Variants in FAM81A observed in about 807,000 individuals in gnomAD.
FAM81A encodes protein FAM81A.
In FAM81A, 19 loss-of-function variants were observed where a neutral mutation model predicts 46.7. The ratio of observed to expected loss-of-function variants is 0.41; its 90% CI spans 0.28 to 0.60. The LOEUF (loss-of-function observed/expected upper bound fraction) is 0.60, where lower values mean the gene tolerates loss of function less well. Ranked by LOEUF, FAM81A falls within the 20% of genes least tolerant of loss-of-function variation. FAM81A has a pLI of 0.34. For missense variants in FAM81A, 377 were observed against 453.5 expected, an observed-to-expected ratio of 0.83 and a Z score of 1.53; for synonymous variants, 183 against 152.9, an observed-to-expected ratio of 1.20 and a Z score of -1.45.
At chr15:59,421,066 G>A (rs945993243) in intron 2 of FAM81A, among the ~76,000 whole-genome samples, 37 of 152,208 alleles carry the variant, frequency 2.4e-4, no homozygotes, top group African/African-American at 7.7e-4. Context: ...GTGGGGTCAC[G>A]TTCTCTAGGC....
chr15:59,509,571 A>G (rs2082183545), intron 6 of FAM81A, among the ~76,000 whole-genome samples: 1 of 152,198 alleles, frequency 6.6e-6, no homozygotes, highest in Non-Finnish European at 1.5e-5. Flanking sequence ...AGAGAAGGCC[A>G]TGTGACAATG....
chr15:59,520,649 C>T (rs890226416), intron 8 of FAM81A, among the ~76,000 whole-genome samples: 10 of 151,522 alleles, frequency 6.6e-5, no homozygotes, highest in South Asian at 4.2e-4. Flanking sequence ...CTGCAACGTC[C>T]GCTTCCTGGG....
At chr15:59,511,572 C>T (rs900696810) in intron 6 of FAM81A, among the ~76,000 whole-genome samples, 8 of 152,250 alleles carry the variant, frequency 5.3e-5, no homozygotes, top group Admixed American at 2.6e-4. Flanking sequence ...AAAAGTTGGA[C>T]GTGTTCAGAC....
intron 4 of FAM81A, among the ~76,000 whole-genome samples, chr15:59,494,822 GT>G (rs1187964943): frequency 6.6e-6 from 1 of 152,104 alleles, no homozygotes; most frequent in African/African-American, 2.4e-5. Flanking sequence ...TAATTTTATA[GT>G]TTTTATGTGT....
At chr15:59,441,964 C>G (rs2081302782) in intron 1 of FAM81A, among the ~76,000 whole-genome samples, 1 of 152,258 alleles carries the variant, frequency 6.6e-6, no homozygotes, top group Admixed American at 6.5e-5. Flanking sequence ...ACTACTTCCT[C>G]TAATCCTCAC....
chr15:59,512,355 C>T (rs2082220014), intron 6 of FAM81A, among the ~76,000 whole-genome samples: 1 of 151,192 alleles, frequency 6.6e-6, no homozygotes, highest in African/African-American at 2.4e-5. Flanking sequence ...GCCTGTAGTC[C>T]CAGCTATTCA....
chr15:59,470,894 C>T (rs1234040401), intron 3 of FAM81A, among the ~76,000 whole-genome samples: 2 of 152,118 alleles, frequency 1.3e-5, no homozygotes, highest in Non-Finnish European at 2.9e-5. Context: ...TCTATTACAG[C>T]TCACTGCAGC....
rs551391859 is a variant in FAM81A, at chr15:59,441,877, A to G, written c.-78+3595A>G. On this transcript the variant is annotated intron_variant, in intron 1 of 8. Transcript: ENST00000288228. ...CCTCCCTTCCCCCTGCCCCAGCCTC[A>G]CCTCTGAGCCCGCAGTAGTATTTAA... is the stretch of plus-strand genomic sequence containing the variant. 2.6e-5 allele frequency among the ~76,000 whole-genome samples: 4 copies of G among 151,700 alleles called. No individual in the cohort carries two copies. In the South Asian group the frequency reaches 8.3e-4, roughly 32 times the overall value.
At chr15:59,401,823 A>G (rs1200848857) in intron 1 of FAM81A, 2 of 581,712 alleles carry the variant, frequency 3.4e-6, no homozygotes, top group African/African-American at 2.4e-5. Flanking sequence ...AGTCTTTTTT[A>G]TTTGTATTTT....
intron 2 of FAM81A, among the ~76,000 whole-genome samples, chr15:59,404,407 G>C (rs1208275551): frequency 2.0e-5 from 3 of 152,096 alleles, no homozygotes; most frequent in Admixed American, 2.0e-4. Flanking sequence ...AGGTAGAAAG[G>C]CTGTTCACTT....
At chr15:59,482,067 C>T (rs1246554427) in intron 3 of FAM81A, among the ~76,000 whole-genome samples, 1 of 152,078 alleles carries the variant, frequency 6.6e-6, no homozygotes, top group Non-Finnish European at 1.5e-5. Flanking sequence ...ATCAACATCC[C>T]ACACCAGAGT....
rs576008808 is a variant in FAM81A, at chr15:59,423,155, T to C, written c.-78+20797T>C. ...CACTGTCGCCCAGGCTGGAGTGCAGTGGCGCGATCTCGGCTCACTGCAAGC... is the reference window on the plus strand; with the variant it reads ...CACTGTCGCCCAGGCTGGAGTGCAGCGGCGCGATCTCGGCTCACTGCAAGC... On this transcript the variant is annotated intron_variant, in intron 2 of 4. Coordinates refer to the FAM81A transcript ENST00000558348. Among the ~76,000 whole-genome samples the C allele has an allele frequency of 2.5e-3, 375 of 152,320 alleles. 2 individuals are homozygous for C. The highest frequency in any genetic ancestry group is 8.7e-3 in the African/African-American group (360 of 41,578).
At chr15:59,450,672 G>C (rs1335402965) in intron 1 of FAM81A, among the ~76,000 whole-genome samples, 1 of 152,128 alleles carries the variant, frequency 6.6e-6, no homozygotes. Flanking sequence ...CCATTGTCCA[G>C]AACAGAGCCA....
chr15:59,410,950 A>G (rs569977066), intron 2 of FAM81A, among the ~76,000 whole-genome samples: 2 of 152,190 alleles, frequency 1.3e-5, no homozygotes, highest in East Asian at 1.9e-4. Flanking sequence ...GGGTTTCACC[A>G]TGTTGGTCAG....
In FAM81A at chr15:59,520,435, T is replaced by G. The variant is rs117492985; in HGVS notation, c.983-819T>G. 9.8e-5 allele frequency among the ~76,000 whole-genome samples: 15 copies of G among 152,312 alleles called. No individual in the cohort carries two copies. In the East Asian group the frequency reaches 2.9e-3, roughly 29 times the overall value. On this transcript the variant is annotated intron_variant, in intron 8 of 8. Coordinates refer to ENST00000288228, the MANE Select transcript of FAM81A (RefSeq NM_152450.3). The stretch of plus-strand genomic sequence containing the variant: ...TCTAATCCAGAATTACACATCGTAT[T>G]TAGTTGTCATGTTTCTTTATTTAGT...
chr15:59,423,736 T>G (rs1282482879), intron 2 of FAM81A, among the ~76,000 whole-genome samples: 1 of 152,208 alleles, frequency 6.6e-6, no homozygotes, highest in Non-Finnish European at 1.5e-5. Flanking sequence ...TTAAGGAGAT[T>G]TCATGCTGAA....
chr15:59,463,922 T>A (rs2081582434), intron 3 of FAM81A, among the ~76,000 whole-genome samples: 1 of 152,152 alleles, frequency 6.6e-6, no homozygotes, highest in Non-Finnish European at 1.5e-5. Flanking sequence ...AGTGACCAGA[T>A]CAAGGTAATT....
chr15:59,502,117 A>C (rs1567072459), intron 4 of FAM81A, among the ~76,000 whole-genome samples: 1 of 151,502 alleles, frequency 6.6e-6, no homozygotes, highest in Non-Finnish European at 1.5e-5. Flanking sequence ...TTTTTCTGAA[A>C]CATTTTAGAG....
chr15:59,444,779 T>C (rs1367617634), intron 1 of FAM81A, among the ~76,000 whole-genome samples: 4 of 152,246 alleles, frequency 2.6e-5, no homozygotes, highest in Non-Finnish European at 5.9e-5. Context: ...TTTTGACTTA[T>C]TGGATGTGGT....
Sources: allele counts gnomAD v4.1 joint callset (sites outside exome capture counted in the v4.1 genomes callset), GRCh38; gene constraint gnomAD v4.1.1; transcripts MANE v1.5; gene names NCBI Gene and HGNC (gene_info 2026-07-23, HGNC 2026-07-21).